DUSP16: variants seen among roughly 807,000 people sequenced by gnomAD.
DUSP16 encodes dual specificity protein phosphatase 16.
Under a neutral mutation model 58.3 loss-of-function variants are expected in DUSP16, and 21 were observed. That is an observed-to-expected ratio of 0.36 (90% confidence interval 0.26 to 0.52). DUSP16 has a LOEUF of 0.52. Ranked by LOEUF, DUSP16 falls within the 20% of genes least tolerant of loss-of-function variation. The pLI is 0.94. For synonymous variants in DUSP16, 320 were observed against 323.8 expected (o/e 0.99, Z 0.12); for missense variants, 726 against 819.0 (o/e 0.89, Z 1.39).
Position 12,476,855 on chromosome 12 carries a change from A to G in DUSP16, c.1976T>C (p.Met659Thr). ...VGSQSSFSGSMEIIEVS is the reference protein window; with the variant it reads ...VGSQSSFSGSTEIIEVS ...TTCTCAGGAGACCTCAATGATTTCC[A>G]TGCTGCCCGAAAAGCTAGACTGACT... Residue 659 changes from methionine to threonine, a missense_variant, in exon 7 of 7, where the codon ATG becomes ACG. Physicochemically the swap from Met to Thr is moderately conservative, Grantham distance 81. Coordinates refer to ENST00000298573, the MANE Select transcript of DUSP16 (RefSeq NM_030640.3). The G allele has an allele frequency of 6.2e-7, 1 of 1,608,378 alleles. No homozygotes were observed. Among genetic ancestry groups the G allele is most frequent in the Non-Finnish European group, 8.5e-7 (1 of 1,178,430 alleles).
intron 3 of DUSP16, among the ~76,000 whole-genome samples, chr12:12,513,392 A>G (rs1257235072): frequency 6.6e-6 from 1 of 152,204 alleles, no homozygotes; most frequent in Non-Finnish European, 1.5e-5. Flanking sequence ...ACTGAGAAAG[A>G]GCTATTACAA....
rs774693958 is a variant in DUSP16, at chr12:12,487,135, C to G, written c.584G>C (p.Cys195Ser). The change falls in exon 5 of 7, where the codon TGT (cysteine) becomes TCT (serine). Residue 195 changes from cysteine (C) to serine (S), a missense_variant. Cys to Ser is a moderately radical substitution (Grantham distance 112). Coordinates refer to ENST00000298573, the MANE Select transcript of DUSP16 (RefSeq NM_030640.3). The part of the protein sequence containing the change: ...IGYVLNASNT[C>S]PKPDFIPESH... ...CTCGGGGATAAAGTCAGGCTTTGGA[C>G]AGGTATTGCTGGCATTTAACACATA... 18 of 1,614,132 alleles carry G rather than the reference C, an allele frequency of 1.1e-5. No homozygotes were observed. Among genetic ancestry groups the G allele is most frequent in the Non-Finnish European group, 1.5e-5 (18 of 1,180,004 alleles).
Position 12,536,511 on chromosome 12 carries a change from G to A in DUSP16, c.-365-15048C>T, listed in dbSNP as rs536605155. 1.6e-4 allele frequency among the ~76,000 whole-genome samples: 24 copies of A among 152,324 alleles called. No homozygotes were observed. In the South Asian group the frequency reaches 3.1e-3, roughly 20 times the overall value. ...TGTAATCCCAGCACTTTGGGAGGCC[G>A]AGGCTGATGGATCACCTGAAGTTAG... On this transcript the variant is annotated intron_variant, in intron 1 of 6. Transcript: ENST00000298573.
intron 1 of DUSP16, among the ~76,000 whole-genome samples, chr12:12,537,709 A>G (rs1944489163): frequency 6.6e-6 from 1 of 152,238 alleles, no homozygotes; most frequent in African/African-American, 2.4e-5. Flanking sequence ...AATACATTCA[A>G]AAGAAACCTA....
At chr12:12,510,883 G>A (rs553784114) in intron 3 of DUSP16, among the ~76,000 whole-genome samples, 1 of 152,130 alleles carries the variant, frequency 6.6e-6, no homozygotes, top group Non-Finnish European at 1.5e-5. Flanking sequence ...CAGGGTGCAT[G>A]ATGTCTTAGG....
chr12:12,521,377 A>G lies in DUSP16; in HGVS notation c.-279T>C. 1 of 1,311,522 alleles carries G rather than the reference A, an allele frequency of 7.6e-7. No individual in the cohort carries two copies. The allele number at this position is 1,311,522 out of a possible 1,614,324, so 81.2% of individuals were successfully genotyped here. A position where few individuals can be genotyped will look rare whatever the true frequency, so the allele number is the denominator to read the frequency against. ...AGATGACTGGAATAACCATTCCACA[A>G]CAAAAGATGCTTTGGAGCAGCCAGC... On this transcript the variant is annotated 5_prime_UTR_variant, in exon 2 of 7. Coordinates refer to ENST00000298573, the MANE Select transcript of DUSP16 (RefSeq NM_030640.3).
intron 3 of DUSP16, among the ~76,000 whole-genome samples, chr12:12,503,016 T>G (rs1207791567): frequency 6.6e-6 from 1 of 152,172 alleles, no homozygotes; most frequent in Non-Finnish European, 1.5e-5. Flanking sequence ...CAAGCCCTTG[T>G]ACCTGAGTTC....
chr12:12,477,263 G>T lies in DUSP16; in HGVS notation c.1568C>A (p.Thr523Asn). 6.2e-7 allele frequency: 1 copy of T among 1,614,238 alleles called. No homozygotes were observed. Among genetic ancestry groups the T allele is most frequent in the South Asian group, 1.1e-5 (1 of 91,088 alleles). Residue 523 changes from threonine to asparagine, a missense_variant, in exon 7 of 7, where the codon ACC becomes AAC. Thr to Asn is a moderately conservative substitution (Grantham distance 65). Transcript: ENST00000298573. The surrounding 1 kb of genome is among the most constrained non-coding windows in gnomAD (Gnocchi z 4.1). ...YHTSFLFGLS[T>N]SQQHLTKSAG... is the part of the protein sequence containing the mutation. ...AGACTTCGTGAGGTGCTGCTGGCTG[G>T]TGGAAAGGCCGAAAAGGAAGCTGGT... is the stretch of plus-strand genomic sequence containing the variant.
intron 1 of DUSP16, among the ~76,000 whole-genome samples, chr12:12,547,345 C>T (rs1235210620): frequency 1.3e-5 from 2 of 151,412 alleles, no homozygotes; most frequent in African/African-American, 4.9e-5. Flanking sequence ...AGGAGAATCG[C>T]TTGAACCCGG....
chr12:12,513,998 T>G (rs1944113631), intron 3 of DUSP16, among the ~76,000 whole-genome samples: 1 of 152,176 alleles, frequency 6.6e-6, no homozygotes, highest in Non-Finnish European at 1.5e-5. Context: ...AAAAAGTTGC[T>G]CAATAAATCA....
At position 12,477,800 on chromosome 12, in the gene DUSP16, G is replaced by T; in HGVS notation, c.1031C>A (p.Ser344Tyr). The part of the protein sequence containing the change: ...ETPLSPPCAD[S>Y]ATSEAAGQRP... ...TTGTCCTGCTGCCTCTGAGGTAGCA[G>T]AGTCGGCACAGGGTGGACTGAGGGG... Residue 344 changes from serine (S) to tyrosine (Y), a missense_variant, in exon 7 of 7, where the codon TCT becomes TAT. Coordinates refer to ENST00000298573, the MANE Select transcript of DUSP16 (RefSeq NM_030640.3). This position sits in a 1 kb window ranked among gnomAD's most constrained non-coding sequence, Gnocchi z 4.1. 6.2e-7 allele frequency: 1 copy of T among 1,614,032 alleles called. No homozygotes were observed. The highest frequency in any genetic ancestry group is 8.5e-7 in the Non-Finnish European group (1 of 1,180,022).
rs918947920 is a variant in DUSP16, at chr12:12,487,275, A to C, written c.532-88T>G. The C allele has an allele frequency of 5.7e-6, 8 of 1,404,560 alleles. No individual in the cohort carries two copies. The African/African-American group carries it at 8.6e-5, about 15-fold the overall frequency. The allele number at this position is 1,404,560 out of a possible 1,614,324, so 87.0% of individuals were successfully genotyped here. On this transcript the variant is annotated intron_variant, in intron 4 of 6. Coordinates refer to ENST00000298573, the MANE Select transcript of DUSP16 (RefSeq NM_030640.3). ...AGAGTGAAGTTTAATGTGATGATAAAAATGCCCAGTTTCCTTGAAATATAA... is the reference window on the plus strand; with the variant it reads ...AGAGTGAAGTTTAATGTGATGATAACAATGCCCAGTTTCCTTGAAATATAA...
At chr12:12,520,567 C>T (rs913411575) in intron 2 of DUSP16, among the ~76,000 whole-genome samples, 7 of 152,152 alleles carry the variant, frequency 4.6e-5, no homozygotes, top group African/African-American at 7.2e-5. Context: ...AAAAGAATGA[C>T]TTTCCTTTCA....
chr12:12,519,413 A>AT (rs1380628469), intron 3 of DUSP16, among the ~76,000 whole-genome samples: 2 of 152,234 alleles, frequency 1.3e-5, no homozygotes, highest in African/African-American at 2.4e-5. Flanking sequence ...AAAGGTGACC[A>AT]TAAGGCTTAT....
chr12:12,485,639 T>G (rs920587011), intron 5 of DUSP16, among the ~76,000 whole-genome samples: 2 of 150,956 alleles, frequency 1.3e-5, no homozygotes, highest in African/African-American at 4.9e-5. Context: ...GCCTCCCGAG[T>G]AGGCGGGACC....
chr12:12,511,511 C>T (rs544095580), intron 3 of DUSP16, among the ~76,000 whole-genome samples: 4 of 151,842 alleles, frequency 2.6e-5, no homozygotes, highest in African/African-American at 4.8e-5. Flanking sequence ...ATGTTCTTTC[C>T]CCCTCAGAAT....
At position 12,477,475 on chromosome 12, in the gene DUSP16, C is replaced by T. The variant is rs369438527; in HGVS notation, c.1356G>A (p.Ser452=). Residue 452 remains serine, a synonymous_variant, in exon 7 of 7, where the codon TCG becomes TCA. Transcript: ENST00000298573. This position sits in a 1 kb window ranked among gnomAD's most constrained non-coding sequence, Gnocchi z 4.1. ...CAGGACTGGTTTCGGGAGTCTGCTCCGATAGTTCCTGAACAGGGGAGAACT... is the reference window on the plus strand; with the variant it reads ...CAGGACTGGTTTCGGGAGTCTGCTCTGATAGTTCCTGAACAGGGGAGAACT... ...LCQFSPVQEL[S]EQTPETSPDK... The T allele has an allele frequency of 7.9e-5, 126 of 1,597,288 alleles. No individual in the cohort carries two copies. Among genetic ancestry groups the T allele is most frequent in the Non-Finnish European group, 9.6e-5 (112 of 1,170,936 alleles).
chr12:12,537,208 CTCATG>C (rs1303860575), intron 1 of DUSP16, among the ~76,000 whole-genome samples: 2 of 152,026 alleles, frequency 1.3e-5, no homozygotes. Flanking sequence ...TAAGACGTAA[CTCATG>C]TCATGTCATG....
At chr12:12,486,607 G>T (rs1362941995) in intron 5 of DUSP16, among the ~76,000 whole-genome samples, 1 of 151,832 alleles carries the variant, frequency 6.6e-6, no homozygotes, top group African/African-American at 2.4e-5. Context: ...AATGTAATGG[G>T]ATTTGTTTTC....
Sources: allele counts gnomAD v4.1 joint callset (sites outside exome capture counted in the v4.1 genomes callset), GRCh38; gene constraint gnomAD v4.1.1; non-coding constraint Gnocchi (gnomAD v3.1); transcripts MANE v1.5; gene names NCBI Gene and HGNC (gene_info 2026-07-23, HGNC 2026-07-21).